PDZD4: variants seen among roughly 807,000 people sequenced by gnomAD.
PDZD4 encodes PDZ domain-containing protein 4.
In PDZD4, 9 loss-of-function variants were observed where a neutral mutation model predicts 38.5. The observed-to-expected ratio is 0.23, with a 90% CI of 0.14 to 0.41. The LOEUF (loss-of-function observed/expected upper bound fraction) is 0.41, where lower values mean the gene tolerates loss of function less well. PDZD4 is among the 10% of genes least tolerant of loss of function. The probability of loss-of-function intolerance (pLI) is 1.00; values close to 1 mark genes in which losing one functional copy is unlikely to be tolerated. For missense variants in PDZD4, 612 were observed against 722.0 expected (o/e 0.85, Z 1.75); for synonymous variants, 349 against 315.7 (o/e 1.11, Z -1.12).
intron 5 of PDZD4, 56 bp from the exon 6 acceptor site, chrX:153,805,662 C>T: frequency 9.7e-7 from 1 of 1,035,574 alleles, no homozygotes; most frequent in Non-Finnish European, 1.3e-6. Context: ...TGGGGCGGAC[C>T]CTGGGCGGGT....
Position 153,804,329 on chromosome X carries a change from G to A in PDZD4, c.1352C>T (p.Ala451Val), listed in dbSNP as rs375412756. The A allele has an allele frequency of 6.6e-6, 8 of 1,207,091 alleles. No individual in the cohort carries two copies. The highest frequency in any genetic ancestry group is 2.2e-5 in the Admixed American group (1 of 46,118). ...CAGCTCGTGCTTCTTGGGCTCGCTG[G>A]CCGCCAGGTCGTAGAGGCTCTCCTC... ...LEEESLYDLA[A>V]SEPKKHELSD... Residue 451 changes from alanine (A) to valine (V), a missense_variant, in exon 8 of 8, where the codon GCC becomes GTC. Ala to Val is a moderately conservative substitution (Grantham distance 64). This residue lies in a region of PDZD4 where 300 missense variants were observed against 284.6 expected (regional missense o/e 1.05). Transcript: ENST00000393758.
chrX:153,815,111 C>T (rs946235475), intron 1 of PDZD4, among the ~76,000 whole-genome samples: 2 of 113,001 alleles, frequency 1.8e-5, no homozygotes, highest in Non-Finnish European at 3.7e-5. Flanking sequence ...TGCCCCATGG[C>T]GACTCTTCAG....
At chrX:153,825,359 CCAAGA>C in intron 1 of PDZD4, among the ~76,000 whole-genome samples, 1 of 111,766 alleles carries the variant, frequency 8.9e-6, no homozygotes, top group African/African-American at 3.2e-5. Flanking sequence ...GGTGCCAAGG[CCAAGA>C]CAAGTTCAGC....
intron 2 of PDZD4, chrX:153,807,908 C>A: frequency 1.0e-6 from 1 of 984,254 alleles, no homozygotes; most frequent in East Asian, 7.1e-5. Flanking sequence ...CGGTCATGAG[C>A]CACCAGGCCT....
In PDZD4 at chrX:153,804,064, A is replaced by T; in HGVS notation, c.1617T>A (p.Asp539Glu). ...SPAKFRSLSR[D>E]PEAGRRQHAE... is the part of the protein sequence containing the mutation. ...CGTGCTGCCTCCGGCCGGCCTCAGG[A>T]TCCCGGGAGAGGGACCGGAACTTGG... The change falls in exon 8 of 8, where the codon GAT becomes GAA. Residue 539 changes from aspartate (D) to glutamate (E), a missense_variant. Asp to Glu is a conservative substitution (Grantham distance 45, BLOSUM62 2). Transcript: ENST00000393758. The T allele has an allele frequency of 8.6e-7, 1 of 1,158,378 alleles. No individual in the cohort carries two copies. The highest frequency in any genetic ancestry group is 1.1e-6 in the Non-Finnish European group (1 of 871,774).
intron 1 of PDZD4, among the ~76,000 whole-genome samples, chrX:153,816,996 C>T (rs1333693507): frequency 6.3e-5 from 7 of 110,898 alleles, no homozygotes; most frequent in African/African-American, 1.3e-4. Flanking sequence ...CAGGAAAAGA[C>T]GCGTCAGCAC....
intron 1 of PDZD4, among the ~76,000 whole-genome samples, chrX:153,814,490 C>CCCCCCA (rs1557079398): frequency 1.2e-5 from 1 of 85,368 alleles, no homozygotes; most frequent in African/African-American, 4.3e-5. Flanking sequence ...ACCCCCCCCC[C>CCCCCCA]AAAAAAAAGT....
intron 2 of PDZD4, 98 bp downstream of exon 2, chrX:153,808,244 G>A (rs1557077790): frequency 2.8e-6 from 3 of 1,089,587 alleles, no homozygotes; most frequent in Non-Finnish European, 1.2e-6. Flanking sequence ...AGGCCGAGGG[G>A]CCTGCTTCCT....
At chrX:153,825,335 G>C (rs1329686460) in intron 1 of PDZD4, among the ~76,000 whole-genome samples, 1 of 112,157 alleles carries the variant, frequency 8.9e-6, no homozygotes, top group Non-Finnish European at 1.9e-5. Flanking sequence ...AGCACATCAT[G>C]GTGTCAGAGA....
chrX:153,810,550 G>A (rs1315996493), intron 1 of PDZD4, among the ~76,000 whole-genome samples: 1 of 113,124 alleles, frequency 8.8e-6, no homozygotes, highest in Non-Finnish European at 1.9e-5. Flanking sequence ...CTGGGCATGG[G>A]CGCAGGTGGC....
chrX:153,826,526 A>G (rs1328104946), intron 1 of PDZD4, among the ~76,000 whole-genome samples: 1 of 109,946 alleles, frequency 9.1e-6, no homozygotes, highest in African/African-American at 3.3e-5. Flanking sequence ...CTCTTGCCTC[A>G]GTCTCCTGAG....
At position 153,830,335 on chromosome X, in the gene PDZD4, G is replaced by C. The variant is rs377424075; in HGVS notation, c.-37C>G. ...GCGAGAGGAGGCGGAGGGCGGGAAC[G>C]GGAAGACGCCTTTCACTGACCCGGG... On this transcript the variant is annotated 5_prime_UTR_variant, in exon 1 of 8. Coordinates refer to ENST00000393758, the MANE Select transcript of PDZD4 (RefSeq NM_001303512.2). 1.9e-4 allele frequency: 223 copies of C among 1,170,358 alleles called. No individual in the cohort carries two copies. Among genetic ancestry groups the C allele is most frequent in the Non-Finnish European group, 2.4e-4 (206 of 865,486 alleles).
chrX:153,816,426 T>C (rs1557079968), intron 1 of PDZD4, among the ~76,000 whole-genome samples: 1 of 107,763 alleles, frequency 9.3e-6, no homozygotes, highest in African/African-American at 3.4e-5. Flanking sequence ...TGCTGGGGAT[T>C]CTGTGGGCCG....
chrX:153,804,186 G>T lies in PDZD4; in HGVS notation c.1495C>A (p.Arg499=). 2 of 1,194,133 alleles carry T rather than the reference G, an allele frequency of 1.7e-6. No individual in the cohort carries two copies. The highest frequency in any genetic ancestry group is 2.3e-6 in the Non-Finnish European group (2 of 887,382). Residue 499 remains arginine (R), a synonymous_variant, in exon 8 of 8, where the codon CGG becomes AGG. Coordinates refer to ENST00000393758, the MANE Select transcript of PDZD4 (RefSeq NM_001303512.2). The part of the protein sequence containing the change: ...LVEPLPESPL[R]RAMAGNSNLN... ...TTGGAGTTGCCGGCCATGGCCCGCC[G>T]CAGGGGGCTCTCGGGCAGGGGCTCC... is the stretch of plus-strand genomic sequence containing the variant.
At chrX:153,805,412 C>T (rs1288749433) in intron 6 of PDZD4, 93 bp downstream of exon 6, 40 of 362,574 alleles carry the variant, frequency 1.1e-4, no homozygotes, top group Non-Finnish European at 1.8e-4. Context: ...AACTCCAGGT[C>T]GTTGGCACAT....
Position 153,830,434 on chromosome X carries a change from G to A in PDZD4, c.-136C>T. The A allele has an allele frequency of 2.2e-6, 1 of 459,733 alleles. No individual in the cohort carries two copies. The highest frequency in any genetic ancestry group is 3.6e-6 in the Non-Finnish European group (1 of 274,188). The allele number at this position is 459,733 out of a possible 1,213,427, so 37.9% of individuals were successfully genotyped here. On this transcript the variant is annotated 5_prime_UTR_variant, in exon 1 of 8. Transcript: ENST00000393758. ...GGGGGGCGGGCCGCCTAGCGGGGGA[G>A]GGGGGCACGCCCCCGAGGTGGGGGC...
intron 1 of PDZD4, among the ~76,000 whole-genome samples, chrX:153,812,178 G>A (rs1357952406): frequency 9.2e-6 from 1 of 108,198 alleles, no homozygotes; most frequent in African/African-American, 3.4e-5. Context: ...CTTGAAATCG[G>A]CTATAGTGGC....
intron 1 of PDZD4, among the ~76,000 whole-genome samples, chrX:153,811,137 C>T (rs1353433742): frequency 9.5e-6 from 1 of 105,762 alleles, no homozygotes; most frequent in East Asian, 2.9e-4. Flanking sequence ...CCACACCCAG[C>T]TGTTGTTTTT....
In PDZD4 at chrX:153,808,501, C is replaced by T. The variant is rs1239111791; in HGVS notation, c.155G>A (p.Arg52His). The stretch of plus-strand genomic sequence containing the variant: ...GCTGTCCCCCCGGAGGCGGGGGCTG[C>T]GTCTCAGCACCTGGATCACCAGGGG... ...KEPLVIQVLRRSPRLRGDSSC... is the reference protein window; with the variant it reads ...KEPLVIQVLRHSPRLRGDSSC... Residue 52 changes from arginine (R) to histidine (H), a missense_variant, in exon 2 of 8, where the codon CGC becomes CAC. Physicochemically the swap from Arg to His is conservative, Grantham distance 29. Transcript: ENST00000393758. 6 of 1,208,670 alleles carry T rather than the reference C, an allele frequency of 5.0e-6. No individual in the cohort carries two copies. Among genetic ancestry groups the T allele is most frequent in the Non-Finnish European group, 6.7e-6 (6 of 894,443 alleles).
Sources: gnomAD v4.1 joint callset for allele counts (sites outside exome capture counted in the v4.1 genomes callset) on GRCh38, gnomAD v4.1.1 for gene constraint, gnomAD v4.1.1 regional missense constraint, MANE v1.5 for transcripts, NCBI Gene and HGNC (gene_info 2026-07-23, HGNC 2026-07-21) for gene names.